The following PTK2 variants were observed in gnomAD, a reference collection of about 807,000 sequenced individuals.
PTK2 encodes protein tyrosine kinase 2.
PTK2 carries 45 observed loss-of-function variants against 150.1 expected under a neutral mutation model. The observed-to-expected ratio is 0.30, with a 90% confidence interval of 0.24 to 0.38. PTK2 has a LOEUF of 0.38. PTK2 is among the 10% of genes least tolerant of loss of function. PTK2 has a pLI of 1.00. For synonymous variants in PTK2, 432 were observed against 449.2 expected, an observed-to-expected ratio of 0.96 and a Z score of 0.48; for missense variants, 919 against 1,307.3, an observed-to-expected ratio of 0.70 and a Z score of 4.58.
intron 1 of PTK2, among the ~76,000 whole-genome samples, chr8:140,992,022 T>C (rs945894729): frequency 2.0e-5 from 3 of 152,022 alleles, no homozygotes; most frequent in South Asian, 2.1e-4. Context: ...CCAGGCACAG[T>C]GGCTCATGCC....
At chr8:140,669,301 G>GTTATATATA (rs1554641612) in intron 29 of PTK2, 1 of 97,984 alleles carries the variant, frequency 1.0e-5, no homozygotes, top group East Asian at 2.9e-4. Context: ...GCATAAAATG[G>GTTATATATA]TATATATATA....
In PTK2 at chr8:140,927,958, G is replaced by GAA. The variant is rs57931737; in HGVS notation, c.-121-2211_-121-2210dup. ...TCAAAAAGAAAAAAAAAAAAAAAAA[G>GAA]AAAAAAAAAAAAAAAAAATATATAT... On this transcript the variant is annotated intron_variant, in intron 1 of 31. Transcript: ENST00000522684. Among the ~76,000 whole-genome samples, 251 of 63,658 alleles carry GAA rather than the reference G, an allele frequency of 3.9e-3. 3 individuals carry two copies. The highest frequency in any genetic ancestry group is 0.015 in the African/African-American group (232 of 15,322). 41.8% of individuals were successfully genotyped at this position (63,658 alleles called of 152,430 possible).
At chr8:140,828,646 A>G (rs913373521) in intron 8 of PTK2, among the ~76,000 whole-genome samples, 4 of 152,160 alleles carry the variant, frequency 2.6e-5, no homozygotes, top group Admixed American at 6.5e-5. Context: ...TCCAACAGCA[A>G]TGTAAATTCA....
intron 4 of PTK2, among the ~76,000 whole-genome samples, chr8:140,876,084 G>A (rs567087382): frequency 3.3e-5 from 5 of 151,954 alleles, no homozygotes; most frequent in African/African-American, 7.3e-5. Flanking sequence ...CTATTTGTCT[G>A]ATATACTTTG....
intron 7 of PTK2, among the ~76,000 whole-genome samples, chr8:140,831,407 A>T (rs1366089083): frequency 6.6e-6 from 1 of 152,242 alleles, no homozygotes; most frequent in Non-Finnish European, 1.5e-5. Flanking sequence ...ACTATATCAC[A>T]TATAATAAAC....
chr8:140,959,877 A>T (rs1223260424), intron 1 of PTK2, among the ~76,000 whole-genome samples: 1 of 151,740 alleles, frequency 6.6e-6, no homozygotes, highest in Non-Finnish European at 1.5e-5. Flanking sequence ...TTAGCTGGGC[A>T]TGGTGGCACA....
intron 7 of PTK2, among the ~76,000 whole-genome samples, chr8:140,845,560 A>G (rs1261794951): frequency 6.6e-6 from 1 of 152,214 alleles, no homozygotes; most frequent in African/African-American, 2.4e-5. Flanking sequence ...GTAAACACCC[A>G]GCTGATACTT....
intron 1 of PTK2, among the ~76,000 whole-genome samples, chr8:140,931,494 A>C (rs1468751739): frequency 1.3e-5 from 2 of 151,784 alleles, no homozygotes; most frequent in African/African-American, 2.4e-5. Context: ...GAGACGGAGG[A>C]GGCTGAGGCT....
intron 1 of PTK2, among the ~76,000 whole-genome samples, chr8:140,964,118 C>T (rs1397093254): frequency 1.3e-5 from 2 of 152,224 alleles, no homozygotes; most frequent in Non-Finnish European, 2.9e-5. Context: ...CAAGTGCAAC[C>T]AAAAATCTGC....
chr8:140,706,478 A>G (rs939049338), intron 23 of PTK2, among the ~76,000 whole-genome samples: 1 of 152,204 alleles, frequency 6.6e-6, no homozygotes, highest in African/African-American at 2.4e-5. Flanking sequence ...TAAATGTAAA[A>G]GTTAAAAACT....
intron 26 of PTK2, among the ~76,000 whole-genome samples, chr8:140,699,804 G>A (rs1314679963): frequency 6.6e-6 from 1 of 151,802 alleles, no homozygotes; most frequent in African/African-American, 2.4e-5. Context: ...ACCCATTATT[G>A]CAAGTTTTTT....
Position 140,929,457 on chromosome 8 carries a change from T to C in PTK2, c.-121-3708A>G, listed in dbSNP as rs142709657. On this transcript the variant is annotated intron_variant, in intron 1 of 31. Coordinates refer to ENST00000522684, the Ensembl canonical transcript of PTK2. ...TAACCAATCACTGACTAAGGGCTTATATTGTTCCAGCCCTGTACAAGGTGG... is the reference window on the plus strand; with the variant it reads ...TAACCAATCACTGACTAAGGGCTTACATTGTTCCAGCCCTGTACAAGGTGG... Among the ~76,000 whole-genome samples the C allele has an allele frequency of 2.1e-3, 319 of 152,318 alleles. 1 individual carries two copies. Among genetic ancestry groups the C allele is most frequent in the Non-Finnish European group, 3.0e-3 (202 of 68,028 alleles).
At chr8:140,872,089 C>G (rs2100142885) in intron 4 of PTK2, among the ~76,000 whole-genome samples, 2 of 152,174 alleles carry the variant, frequency 1.3e-5, no homozygotes, top group South Asian at 4.2e-4. Context: ...AGGATGTAGT[C>G]CCAGCTACTC....
intron 10 of PTK2, among the ~76,000 whole-genome samples, chr8:140,806,360 T>C (rs764792569): frequency 5.3e-5 from 8 of 152,196 alleles, no homozygotes; most frequent in Non-Finnish European, 8.8e-5. Context: ...AAAATGCACC[T>C]GTATCAGTTT....
intron 14 of PTK2, chr8:140,764,558 T>C: frequency 2.1e-6 from 1 of 486,218 alleles, no homozygotes; most frequent in Non-Finnish European, 3.6e-6. Context: ...CAGAACGACA[T>C]GAAACAACTA....
intron 27 of PTK2, among the ~76,000 whole-genome samples, chr8:140,680,926 C>T (rs1053990447): frequency 6.6e-6 from 1 of 152,190 alleles, no homozygotes; most frequent in Non-Finnish European, 1.5e-5. Context: ...TCAGTAGTTT[C>T]ACCCTTATTA....
At chr8:140,686,903 T>C in intron 26 of PTK2, 3 of 554,350 alleles carry the variant, frequency 5.4e-6, no homozygotes, top group Admixed American at 3.1e-5. Flanking sequence ...ACGCACACCT[T>C]ACAGACTGGT....
At chr8:140,816,450 A>T (rs1318769067) in intron 10 of PTK2, among the ~76,000 whole-genome samples, 1 of 152,250 alleles carries the variant, frequency 6.6e-6, no homozygotes, top group African/African-American at 2.4e-5. Context: ...CAGTGATGGC[A>T]GAAGTCAGGA....
chr8:140,762,459 A>C (rs2100069932), intron 15 of PTK2, 71 bp from the exon 18 acceptor site: 1 of 728,200 alleles, frequency 1.4e-6, no homozygotes, highest in African/African-American at 1.9e-5. Context: ...TTAGGTTAAC[A>C]ACACAAACTT....
Sources: gnomAD v4.1 joint callset for allele counts (sites outside exome capture counted in the v4.1 genomes callset) on GRCh38, gnomAD v4.1.1 for gene constraint, MANE v1.5 for transcripts, NCBI Gene and HGNC (gene_info 2026-07-23, HGNC 2026-07-21) for gene names.